Variants in KDR observed in about 807,000 individuals in gnomAD.
KDR encodes the protein kinase insert domain receptor.
A neutral mutation model predicts 160.9 loss-of-function variants in KDR; 43 were observed. That is an observed-to-expected ratio of 0.27 (90% CI 0.21 to 0.34). KDR has a LOEUF of 0.34. Ranked by LOEUF, KDR falls within the 10% of genes least tolerant of loss-of-function variation. KDR has a pLI of 1.00. For synonymous variants in KDR, 617 were observed against 600.1 expected (o/e 1.03, Z -0.41); for missense variants, 1,469 against 1,666.4 (o/e 0.88, Z 2.06).
intron 24 of KDR, 83 bp downstream of exon 24, chr4:55,089,608 A>G: frequency 7.2e-7 from 1 of 1,383,364 alleles, no homozygotes; most frequent in South Asian, 1.2e-5. Flanking sequence ...TTTGCCTGAT[A>G]GACATGAAGT....
chr4:55,121,929 T>C (rs1301350980), intron 1 of KDR, among the ~76,000 whole-genome samples: 4 of 152,174 alleles, frequency 2.6e-5, no homozygotes, highest in South Asian at 2.1e-4. Context: ...TTTTAAAAAG[T>C]ATATGAATAT....
At chr4:55,093,613 C>G (rs1481505806) in intron 21 of KDR, among the ~76,000 whole-genome samples, 1 of 152,204 alleles carries the variant, frequency 6.6e-6, no homozygotes, top group African/African-American at 2.4e-5. Context: ...GCCTAGACCA[C>G]CTCCCCATGT....
At chr4:55,108,042 G>T in intron 9 of KDR, 149 bp from the exon 10 acceptor site, 2 of 812,048 alleles carry the variant, frequency 2.5e-6, no homozygotes, top group Non-Finnish European at 4.1e-6. Flanking sequence ...GGAAACAAGA[G>T]ACCTGAGTTC....
chr4:55,121,786 A>G (rs1259402490), intron 1 of KDR, among the ~76,000 whole-genome samples: 1 of 152,206 alleles, frequency 6.6e-6, no homozygotes, highest in Non-Finnish European at 1.5e-5. Context: ...TGAGGAAGAG[A>G]AAACATTCCC....
At position 55,118,696 on chromosome 4, in the gene KDR, G is replaced by A. The variant is rs771708296; in HGVS notation, c.266C>T (p.Thr89Ile). ...CSDGLFCKTL[T>I]IPKVIGNDTG... ...GTCATTTCCGATCACTTTTGGAATT[G>A]TGAGTGTCTTACAGAAGAGGCCATC... The change falls in exon 3 of 30, where the codon ACA (threonine) becomes ATA (isoleucine). Residue 89 changes from threonine (T) to isoleucine (I), a missense_variant. Thr to Ile is a moderately conservative substitution (Grantham distance 89, BLOSUM62 -1). Transcript: ENST00000263923. 1.2e-6 allele frequency: 2 copies of A among 1,614,122 alleles called. No individual in the cohort carries two copies. Among genetic ancestry groups the A allele is most frequent in the Middle Eastern group, 1.6e-4 (1 of 6,062 alleles).
At chr4:55,109,229 C>T (rs1489803736) in intron 9 of KDR, among the ~76,000 whole-genome samples, 3 of 151,952 alleles carry the variant, frequency 2.0e-5, no homozygotes, top group South Asian at 4.1e-4. Context: ...ATTACAGGTG[C>T]CCACCACCAT....
chr4:55,099,506 TATTTC>T (rs1560517525), intron 15 of KDR, among the ~76,000 whole-genome samples: 1 of 152,038 alleles, frequency 6.6e-6, no homozygotes, highest in Admixed American at 6.6e-5. Context: ...GAAAAAAAAA[TATTTC>T]TATTTGAGGA....
At position 55,098,679 on chromosome 4, in the gene KDR, G is replaced by A. The variant is rs1020043131; in HGVS notation, c.2373+18C>T. 17 of 1,577,246 alleles carry A rather than the reference G, an allele frequency of 1.1e-5. No homozygotes were observed. The highest frequency in any genetic ancestry group is 1.5e-5 in the Non-Finnish European group (17 of 1,146,752). On this transcript the variant is annotated intron_variant, in intron 16 of 29. Coordinates refer to ENST00000263923, the MANE Select transcript of KDR (RefSeq NM_002253.4). ...TGAAAACCAATGTGCATGGGCAGAA[G>A]GGAAATTATTTTTTTACCCGCTTAA...
intron 29 of KDR, among the ~76,000 whole-genome samples, chr4:55,080,504 G>A (rs11936206): frequency 0.054 from 8,285 of 152,222 alleles, 280 homozygotes; most frequent in East Asian, 0.092. Context: ...AGTGACAGGC[G>A]CCAAAGGGCC....
intron 27 of KDR, among the ~76,000 whole-genome samples, chr4:55,083,462 A>G (rs533064947): frequency 6.6e-6 from 1 of 152,262 alleles, no homozygotes; most frequent in South Asian, 2.1e-4. Flanking sequence ...TCTTCAAACA[A>G]AGCTCATTTT....
rs974927182 is a variant in KDR, at chr4:55,125,573, C to T, written c.-280G>A. On this transcript the variant is annotated 5_prime_UTR_variant, in exon 1 of 30. Coordinates refer to ENST00000263923, the MANE Select transcript of KDR (RefSeq NM_002253.4). Reference sequence around the variant, plus strand: ...ACGCAGCGACCACACATTGACCGCTCTCCCGGGGTCCCGGGACTCAGTGCA... The same window carrying T: ...ACGCAGCGACCACACATTGACCGCTTTCCCGGGGTCCCGGGACTCAGTGCA... 1.2e-5 allele frequency: 7 copies of T among 579,546 alleles called. No homozygotes were observed. The highest frequency in any genetic ancestry group is 2.2e-5 in the Non-Finnish European group (7 of 322,760). 35.9% of individuals were successfully genotyped at this position (579,546 alleles called of 1,614,324 possible).
At chr4:55,095,916 C>T (rs914867363) in intron 19 of KDR, among the ~76,000 whole-genome samples, 2 of 152,118 alleles carry the variant, frequency 1.3e-5, no homozygotes, top group Non-Finnish European at 2.9e-5. Context: ...GTGCAATCTC[C>T]TGATATGATT....
At chr4:55,082,762 CAAAATA>C in intron 27 of KDR, 127 bp from the exon 28 acceptor site, 1 of 718,378 alleles carries the variant, frequency 1.4e-6, no homozygotes. Flanking sequence ...AAAAACAAAA[CAAAATA>C]AAAATCTTTC....
rs752683688 is a variant in KDR at position 55,102,512 on chromosome 4, G to A, written c.1988-4C>T. 1 of 1,613,596 alleles carries A rather than the reference G, an allele frequency of 6.2e-7. No homozygotes were observed. The highest frequency in any genetic ancestry group is 8.5e-7 in the Non-Finnish European group (1 of 1,179,644). On this transcript the variant is annotated splice_polypyrimidine_tract_variant and splice_region_variant and intron_variant, in intron 13 of 29. Transcript: ENST00000263923. ...GTGATCGTGGGTGCCACACGCTCTA[G>A]ACACACAAAAAGAAAATCACAGAAC...
At chr4:55,096,378 T>G (rs1578131263) in intron 18 of KDR, 36 bp from the exon 19 acceptor site, 2 of 1,454,912 alleles carry the variant, frequency 1.4e-6, no homozygotes, top group African/African-American at 1.4e-5. Flanking sequence ...ATCATAGGTA[T>G]GGACATTTCC....
intron 3 of KDR, among the ~76,000 whole-genome samples, chr4:55,115,888 A>G (rs560572391): frequency 6.6e-6 from 1 of 152,358 alleles, no homozygotes; most frequent in South Asian, 2.1e-4. Flanking sequence ...TTCCATGAAA[A>G]TAAATGAATG....
intron 27 of KDR, 148 bp downstream of exon 27, chr4:55,087,459 A>G: frequency 1.5e-6 from 1 of 689,000 alleles, no homozygotes; most frequent in Non-Finnish European, 2.5e-6. Flanking sequence ...TTCCAGGAGC[A>G]TTCCCCATTA....
intron 22 of KDR, chr4:55,092,253 C>T (rs1720036721): frequency 3.1e-6 from 1 of 325,374 alleles, no homozygotes; most frequent in South Asian, 2.8e-5. Flanking sequence ...CATTTACTCT[C>T]ATCTAACCTA....
intron 27 of KDR, among the ~76,000 whole-genome samples, chr4:55,083,503 A>G (rs1473340257): frequency 6.6e-6 from 1 of 152,070 alleles, no homozygotes; most frequent in Non-Finnish European, 1.5e-5. Context: ...TTCCTTCAGG[A>G]GTCCAAAGAA....
Sources: allele counts gnomAD v4.1 joint callset (sites outside exome capture counted in the v4.1 genomes callset), GRCh38; gene constraint gnomAD v4.1.1; transcripts MANE v1.5; gene names NCBI Gene and HGNC (gene_info 2026-07-23, HGNC 2026-07-21).